Variants in ADAM32 observed in about 807,000 individuals in gnomAD.
The protein encoded by ADAM32 is disintegrin and metalloproteinase domain-containing protein 32.
Under a neutral mutation model 114.9 loss-of-function variants are expected in ADAM32, and 89 were observed. That is an observed-to-expected ratio of 0.77 (90% CI 0.65 to 0.92). The LOEUF is 0.92. Ranked by LOEUF, ADAM32 falls within the 40% of genes least tolerant of loss-of-function variation. The pLI is 0.00. For synonymous variants in ADAM32, 285 were observed against 307.5 expected, an observed-to-expected ratio of 0.93 and a Z score of 0.77; for missense variants, 870 against 932.8, an observed-to-expected ratio of 0.93 and a Z score of 0.88.
chr8:39,110,340 G>A (rs748628182), intron 1 of ADAM32, among the ~76,000 whole-genome samples: 30 of 152,176 alleles, frequency 2.0e-4, no homozygotes, highest in Non-Finnish European at 4.3e-4. Flanking sequence ...CAAAGTGCTA[G>A]GATTACAGGC....
At chr8:39,122,614 T>C (rs1242062835) in intron 2 of ADAM32, among the ~76,000 whole-genome samples, 3 of 152,240 alleles carry the variant, frequency 2.0e-5, no homozygotes, top group African/African-American at 7.2e-5. Context: ...TCTTCCTCTG[T>C]TGTCTAGGCT....
intron 6 of ADAM32, among the ~76,000 whole-genome samples, chr8:39,156,602 A>G (rs1804167016): frequency 6.6e-6 from 1 of 152,226 alleles, no homozygotes; most frequent in Non-Finnish European, 1.5e-5. Flanking sequence ...TACAGCTGCC[A>G]TAACAATTTA....
Position 39,221,663 on chromosome 8 carries a change from A to G in ADAM32, c.1287A>G (p.Gly429=). The G allele has an allele frequency of 6.2e-7, 1 of 1,612,332 alleles. No individual in the cohort carries two copies. The highest frequency in any genetic ancestry group is 8.5e-7 in the Non-Finnish European group (1 of 1,178,924). ...CDFRTCVLKD[G]AKCYKGLCCK... is the part of the protein sequence containing the mutation. ...TTCGAACTTGTGTACTGAAAGACGG[A>G]GCAAAATGTTATAAAGGACTGTGCT... is the stretch of plus-strand genomic sequence containing the variant. Residue 429 remains glycine (G), a synonymous_variant, in exon 13 of 25, where the codon GGA becomes GGG. Coordinates refer to ENST00000379907, the MANE Select transcript of ADAM32 (RefSeq NM_145004.7).
At chr8:39,225,434 G>A in intron 14 of ADAM32, among the ~76,000 whole-genome samples, 1 of 152,152 alleles carries the variant, frequency 6.6e-6, no homozygotes, top group East Asian at 1.9e-4. Flanking sequence ...CTTCATGTGT[G>A]TTTGTGATTC....
chr8:39,164,798 CA>C lies in ADAM32; in HGVS notation c.632del (p.Asn211IlefsTer49). 1 of 1,607,454 alleles carries C rather than the reference CA, an allele frequency of 6.2e-7. No homozygotes were observed. Among genetic ancestry groups the C allele is most frequent in the Non-Finnish European group, 8.5e-7 (1 of 1,176,814 alleles). ...DYWGSDSMIVTNKVIEIVGLA... is the reference protein window; with the variant it reads ...DYWGSDSMIVXNKVIEIVGLA... ...TGGGGCTCTGATAGCATGATAGTAA[CA>C]AATAAAGTCATCGAAATTGTTGGCC... On this transcript the variant is annotated frameshift_variant, in exon 8 of 25. Coordinates refer to ENST00000379907, the MANE Select transcript of ADAM32 (RefSeq NM_145004.7). LOFTEE classifies it high-confidence loss of function.
intron 1 of ADAM32, 133 bp downstream of exon 1, chr8:39,107,966 G>A: frequency 8.1e-7 from 1 of 1,231,480 alleles, no homozygotes; most frequent in Non-Finnish European, 1.1e-6. Context: ...TTTTCCAGGG[G>A]ATTAGGCGCC....
intron 12 of ADAM32, among the ~76,000 whole-genome samples, chr8:39,220,522 A>T (rs992350002): frequency 6.6e-6 from 1 of 151,256 alleles, no homozygotes; most frequent in African/African-American, 2.4e-5. Context: ...TAATTTGAAA[A>T]TTTTCTCCTT....
chr8:39,133,953 G>T (rs1802622762), intron 2 of ADAM32, among the ~76,000 whole-genome samples: 1 of 152,178 alleles, frequency 6.6e-6, no homozygotes, highest in Admixed American at 6.5e-5. Context: ...GCCCCAGGCA[G>T]GTAGCTCTCA....
chr8:39,164,767 G>A lies in ADAM32; in HGVS notation c.598G>A (p.Asp200Asn). 1 of 1,590,072 alleles carries A rather than the reference G, an allele frequency of 6.3e-7. No homozygotes were observed. The part of the protein sequence containing the change: ...MHIVVDKTLY[D>N]YWGSDSMIVT... Reference sequence around the variant, plus strand: ...TAAAATTAATTCTGTTTTTCAGTATGATTACTGGGGCTCTGATAGCATGAT... The same window carrying A: ...TAAAATTAATTCTGTTTTTCAGTATAATTACTGGGGCTCTGATAGCATGAT... Residue 200 changes from aspartate (D) to asparagine (N), a missense_variant, in exon 8 of 25, where the codon GAT (aspartate) becomes AAT (asparagine). Physicochemically the swap from Asp to Asn is conservative, Grantham distance 23 (BLOSUM62 1). Coordinates refer to ENST00000379907, the MANE Select transcript of ADAM32 (RefSeq NM_145004.7).
At chr8:39,217,820 T>G (rs777310903) in intron 12 of ADAM32, among the ~76,000 whole-genome samples, 34 of 152,280 alleles carry the variant, frequency 2.2e-4, no homozygotes, top group Non-Finnish European at 3.7e-4. Flanking sequence ...TGTTGAATTC[T>G]CTGTCTGAAA....
chr8:39,216,240 T>C lies in ADAM32; in HGVS notation c.1233+4916T>C, dbSNP rs185297271. Among the ~76,000 whole-genome samples the C allele has an allele frequency of 8.5e-5, 13 of 152,176 alleles. No homozygotes were observed. The East Asian group carries it at 1.7e-3, about 20-fold the overall frequency. On this transcript the variant is annotated intron_variant, in intron 12 of 24. Coordinates refer to ENST00000379907, the MANE Select transcript of ADAM32 (RefSeq NM_145004.7). The stretch of plus-strand genomic sequence containing the variant: ...ACTCCTGCTCTTTGTTTAGTTTCCA[T>C]TGGCAAAGGATCCCTTTCCATCCAT...
At position 39,209,542 on chromosome 8, in the gene ADAM32, A is replaced by T. The variant is rs73606772; in HGVS notation, c.1053-1602A>T. 5.7e-3 allele frequency among the ~76,000 whole-genome samples: 870 copies of T among 152,308 alleles called. 3 individuals carry two copies. The highest frequency in any genetic ancestry group is 0.019 in the African/African-American group (809 of 41,566). On this transcript the variant is annotated intron_variant, in intron 11 of 24. Coordinates refer to ENST00000379907, the MANE Select transcript of ADAM32 (RefSeq NM_145004.7). ...GAATGTTATTAATGCTTGTGGATGT[A>T]TCTGGGCATTAAATAATTAAGTATT...
chr8:39,122,540 A>T (rs376172622), intron 2 of ADAM32, among the ~76,000 whole-genome samples: 2 of 152,156 alleles, frequency 1.3e-5, no homozygotes, highest in African/African-American at 4.8e-5. Context: ...TTTATCTTGG[A>T]TTTCTAACAT....
intron 2 of ADAM32, among the ~76,000 whole-genome samples, chr8:39,120,998 A>G (rs1840565448): frequency 6.6e-6 from 1 of 152,172 alleles, no homozygotes. Context: ...GCTTATAGAA[A>G]ATGCAAAATG....
At chr8:39,235,892 A>G (rs1810102349) in intron 16 of ADAM32, among the ~76,000 whole-genome samples, 1 of 152,212 alleles carries the variant, frequency 6.6e-6, no homozygotes, top group African/African-American at 2.4e-5. Context: ...GATGCCATTT[A>G]TCTGAAGAAG....
intron 19 of ADAM32, 44 bp downstream of exon 19, chr8:39,257,387 G>A (rs762898595): frequency 6.2e-7 from 1 of 1,602,638 alleles, no homozygotes; most frequent in Non-Finnish European, 8.5e-7. Flanking sequence ...AGTACCATTT[G>A]AATCTAGTTA....
chr8:39,199,344 T>C (rs1807222539), intron 11 of ADAM32, among the ~76,000 whole-genome samples: 1 of 152,164 alleles, frequency 6.6e-6, no homozygotes. Flanking sequence ...AAAATGTGAA[T>C]ATTTTGTTCC....
At chr8:39,165,689 A>G (rs1232686627) in intron 9 of ADAM32, 5 of 152,176 alleles carry the variant, frequency 3.3e-5, no homozygotes, top group African/African-American at 1.2e-4. Flanking sequence ...TTGTATTCAT[A>G]TTAAATTTAT....
intron 2 of ADAM32, among the ~76,000 whole-genome samples, chr8:39,129,056 AT>A (rs1802280193): frequency 6.7e-6 from 1 of 149,168 alleles, no homozygotes; most frequent in African/African-American, 2.5e-5. Flanking sequence ...ATACACATTG[AT>A]TTTTGTTTAT....
Sources: allele counts gnomAD v4.1 joint callset (sites outside exome capture counted in the v4.1 genomes callset), GRCh38; gene constraint gnomAD v4.1.1; transcripts MANE v1.5; gene names NCBI Gene and HGNC (gene_info 2026-07-23, HGNC 2026-07-21).